Variants in PTK2 observed in about 807,000 individuals in gnomAD.
The protein encoded by PTK2 is focal adhesion kinase 1.
In PTK2, 45 loss-of-function variants were observed where a neutral mutation model predicts 150.1. That is an observed-to-expected ratio of 0.30 (90% confidence interval 0.24 to 0.38). The LOEUF is 0.38. PTK2 is among the 10% of genes least tolerant of loss of function. The pLI, the probability that PTK2 is intolerant of heterozygous loss-of-function variation, is 1.00. For missense variants in PTK2, 919 were observed against 1,307.3 expected, an observed-to-expected ratio of 0.70 and a Z score of 4.58; for synonymous variants, 432 against 449.2, an observed-to-expected ratio of 0.96 and a Z score of 0.48.
chr8:140,909,241 T>C (rs1439375474), intron 2 of PTK2: 1 of 154,268 alleles, frequency 6.5e-6, no homozygotes, highest in Non-Finnish European at 1.5e-5. Context: ...GTAAGGATAA[T>C]AATTTATTAC....
At chr8:140,970,005 G>A (rs549269919) in intron 1 of PTK2, among the ~76,000 whole-genome samples, 8 of 152,156 alleles carry the variant, frequency 5.3e-5, no homozygotes, top group Non-Finnish European at 1.2e-4. Context: ...TGATGTGCTG[G>A]GAGAAAAAAA....
At chr8:140,786,731 C>T (rs913294030) in intron 14 of PTK2, among the ~76,000 whole-genome samples, 8 of 151,996 alleles carry the variant, frequency 5.3e-5, no homozygotes, top group African/African-American at 1.7e-4. Context: ...AACAGGACTC[C>T]GAACAATTAA....
At chr8:140,869,393 A>G (rs1169541297) in intron 4 of PTK2, among the ~76,000 whole-genome samples, 1 of 152,102 alleles carries the variant, frequency 6.6e-6, no homozygotes, top group East Asian at 1.9e-4. Context: ...CCACCTCTGA[A>G]AGTTGGCCAG....
At chr8:140,754,808 C>T (rs2100064698) in intron 16 of PTK2, among the ~76,000 whole-genome samples, 2 of 152,196 alleles carry the variant, frequency 1.3e-5, no homozygotes. Flanking sequence ...CTAGGGAATG[C>T]TGAACTGTTA....
chr8:140,994,940 C>T (rs567910181), intron 1 of PTK2, among the ~76,000 whole-genome samples: 1 of 151,990 alleles, frequency 6.6e-6, no homozygotes. Context: ...CAAAATTAGC[C>T]TGGTGTGGTG....
intron 16 of PTK2, 30 bp downstream of exon 19, chr8:140,761,135 C>A: frequency 7.0e-7 from 1 of 1,424,004 alleles, no homozygotes; most frequent in South Asian, 1.2e-5. Context: ...CAAAATTAGT[C>A]TAGTTGTTTG....
chr8:140,919,421 G>A (rs2100166560), intron 2 of PTK2, among the ~76,000 whole-genome samples: 1 of 152,162 alleles, frequency 6.6e-6, no homozygotes, highest in Non-Finnish European at 1.5e-5. Flanking sequence ...CGGTTTTAAA[G>A]TCACACTGAA....
chr8:140,832,830 C>T (rs1182120190), intron 7 of PTK2: 36 of 518,512 alleles, frequency 6.9e-5, no homozygotes, highest in Admixed American at 1.6e-4. Context: ...GCAAGGTGTA[C>T]GTGCACGCCC....
intron 14 of PTK2, among the ~76,000 whole-genome samples, chr8:140,767,079 C>T (rs1377578344): frequency 1.3e-5 from 2 of 152,140 alleles, no homozygotes; most frequent in Non-Finnish European, 2.9e-5. Flanking sequence ...TGACAGCAGT[C>T]CTTCAAGGAC....
At chr8:140,934,465 C>T (rs1440968230) in intron 1 of PTK2, 1 of 152,124 alleles carries the variant, frequency 6.6e-6, no homozygotes, top group Non-Finnish European at 1.5e-5. Context: ...ATTAGCAACT[C>T]CATTCTCCTA....
intron 26 of PTK2, among the ~76,000 whole-genome samples, chr8:140,688,299 T>C (rs2100021181): frequency 1.3e-5 from 2 of 152,142 alleles, no homozygotes; most frequent in South Asian, 4.1e-4. Flanking sequence ...TGGTGCGCAC[T>C]CAACACATCA....
At position 140,800,487 on chromosome 8, in the gene PTK2, C is replaced by T. The variant is rs146407650; in HGVS notation, c.1065G>A (p.Ser355=). 8.7e-4 allele frequency: 1,401 copies of T among 1,613,494 alleles called. 8 individuals carry two copies. The African/African-American group carries it at 0.016, about 19-fold the overall frequency. Residue 355 remains serine, a synonymous_variant, in exon 12 of 32, where the codon TCG becomes TCA. Transcript: ENST00000522684. The stretch of plus-strand genomic sequence containing the variant: ...TCTGAGGTCTGATGATAAATGACTG[C>T]GAGGTTCCATTCACCAGCCGGCAGT...
intron 2 of PTK2, chr8:140,892,554 G>A (rs1032524743): frequency 2.3e-6 from 1 of 432,176 alleles, no homozygotes; most frequent in Admixed American, 3.0e-5. Flanking sequence ...TATCTGTCCA[G>A]CAAAGAAAAG....
chr8:140,775,930 C>T (rs1020159715), intron 14 of PTK2, among the ~76,000 whole-genome samples: 2 of 152,146 alleles, frequency 1.3e-5, no homozygotes, highest in African/African-American at 4.8e-5. Context: ...CGCCCCTGCA[C>T]CTAAACCACT....
Position 140,694,262 on chromosome 8 carries a change from C to T in PTK2, c.2499+6629G>A, listed in dbSNP as rs578018977. On this transcript the variant is annotated intron_variant, in intron 26 of 31. Transcript: ENST00000522684. ...TTCACCATGTTAGCCAGGATGGTCT[C>T]GATCTCCTGACCTCGTGATCCGTCT... 2.8e-3 allele frequency among the ~76,000 whole-genome samples: 426 copies of T among 151,988 alleles called. 2 individuals are homozygous for T. The highest frequency in any genetic ancestry group is 0.013 in the South Asian group (65 of 4,816).
At chr8:140,700,858 A>G (rs2100029851) in intron 26 of PTK2, 33 bp downstream of exon 29, 2 of 1,611,484 alleles carry the variant, frequency 1.2e-6, no homozygotes, top group Non-Finnish European at 1.7e-6. Context: ...CAGGGCTTAA[A>G]AAGTCAAAGA....
At chr8:140,965,513 T>C (rs544591159) in intron 1 of PTK2, among the ~76,000 whole-genome samples, 156 of 152,282 alleles carry the variant, frequency 1.0e-3, no homozygotes, top group Admixed American at 1.7e-3. Flanking sequence ...AGGAATCTTG[T>C]GGTGAAGCTT....
intron 14 of PTK2, among the ~76,000 whole-genome samples, chr8:140,782,486 C>G (rs534104387): frequency 1.6e-4 from 24 of 152,256 alleles, no homozygotes; most frequent in Middle Eastern, 3.4e-3. Context: ...AATCTGCCTG[C>G]CTTGGCCTTC....
At chr8:140,691,956 A>G (rs1484674563) in intron 26 of PTK2, among the ~76,000 whole-genome samples, 3 of 152,364 alleles carry the variant, frequency 2.0e-5, no homozygotes, top group Middle Eastern at 3.4e-3. Context: ...TCAACAGATA[A>G]TAAGAACCTT....
Sources: allele counts gnomAD v4.1 joint callset (sites outside exome capture counted in the v4.1 genomes callset), GRCh38; gene constraint gnomAD v4.1.1; transcripts MANE v1.5; gene names NCBI Gene and HGNC (gene_info 2026-07-23, HGNC 2026-07-21).